Variants in GPC4 observed in about 807,000 individuals in gnomAD.
The protein encoded by GPC4 is glypican 4.
A neutral mutation model predicts 35.0 loss-of-function variants in GPC4; 10 were observed. That is an observed-to-expected ratio of 0.29 (90% confidence interval 0.18 to 0.48). The LOEUF (loss-of-function observed/expected upper bound fraction) is 0.48. GPC4 is among the 20% of genes least tolerant of loss of function. The pLI, the probability that GPC4 is intolerant of heterozygous loss-of-function variation, is 0.99. For missense variants in GPC4, 322 were observed against 451.3 expected (o/e 0.71, Z 2.60); for synonymous variants, 167 against 170.2 (o/e 0.98, Z 0.15).
intron 1 of GPC4, among the ~76,000 whole-genome samples, chrX:133,352,410 T>C (rs765017703): frequency 2.4e-4 from 27 of 111,347 alleles, no homozygotes; most frequent in Non-Finnish European, 4.7e-4. Flanking sequence ...TCTGCTGCCT[T>C]TCTTGGTCAA....
intron 1 of GPC4, among the ~76,000 whole-genome samples, chrX:133,373,165 T>G (rs2068620290): frequency 8.9e-6 from 1 of 111,752 alleles, no homozygotes; most frequent in Non-Finnish European, 1.9e-5. Flanking sequence ...TAGAAAACAA[T>G]AAATAAAAAC....
intron 1 of GPC4, among the ~76,000 whole-genome samples, chrX:133,385,863 C>A (rs762529330): frequency 6.4e-5 from 7 of 109,636 alleles, no homozygotes; most frequent in Non-Finnish European, 1.3e-4. Flanking sequence ...TAGGCTAATG[C>A]TAAAATGAAA....
chrX:133,394,766 T>C (rs774999069), intron 1 of GPC4, among the ~76,000 whole-genome samples: 54 of 111,792 alleles, frequency 4.8e-4, no homozygotes, highest in Non-Finnish European at 9.2e-4. Context: ...AGTTTGATTC[T>C]TTAGTCTAAA....
At chrX:133,312,691 AAG>A (rs1179839500) in intron 3 of GPC4, among the ~76,000 whole-genome samples, 2 of 77,177 alleles carry the variant, frequency 2.6e-5, no homozygotes, top group African/African-American at 2.0e-4. Context: ...AAGAAAAAGA[AAG>A]AAAGGAAGAA....
intron 1 of GPC4, among the ~76,000 whole-genome samples, chrX:133,392,255 C>G (rs1002658521): frequency 9.9e-6 from 1 of 101,418 alleles, no homozygotes; most frequent in African/African-American, 3.6e-5. Context: ...TAAATATTAA[C>G]GTACAATAAA....
At position 133,302,773 on chromosome X, in the gene GPC4, A is replaced by G. The variant is rs2068272006; in HGVS notation, c.*94T>C. The G allele has an allele frequency of 1.2e-6, 1 of 819,426 alleles. No homozygotes were observed. Among genetic ancestry groups the G allele is most frequent in the African/African-American group, 2.0e-5 (1 of 49,244 alleles). 67.5% of individuals were successfully genotyped at this position (819,426 alleles called of 1,213,427 possible). A position where few individuals can be genotyped will look rare whatever the true frequency, so the allele number is the denominator to read the frequency against. On this transcript the variant is annotated 3_prime_UTR_variant, in exon 9 of 9. Coordinates refer to ENST00000370828, the MANE Select transcript of GPC4 (RefSeq NM_001448.3). ...TAGTAAAAACTGTACATTGTTGTCC[A>G]TTCATTTAAAAAGCAAAGTCACTAG...
At chrX:133,339,474 T>C (rs745322873) in intron 1 of GPC4, 133 bp from the exon 2 acceptor site, 1 of 465,367 alleles carries the variant, frequency 2.1e-6, no homozygotes, top group Non-Finnish European at 3.4e-6. Flanking sequence ...TCTAACAAGT[T>C]CCAGGAAGTC....
intron 1 of GPC4, among the ~76,000 whole-genome samples, chrX:133,371,758 T>C (rs758191425): frequency 4.5e-5 from 5 of 111,564 alleles, no homozygotes; most frequent in East Asian, 2.8e-4. Flanking sequence ...ATGTTTTTCA[T>C]AGGGAGAGGC....
chrX:133,324,665 T>G lies in GPC4; in HGVS notation c.320-129A>C, dbSNP rs1422406287. The stretch of plus-strand genomic sequence containing the variant: ...AATTAAATTGGAAAACGTGTTTGTA[T>G]ATAGGGTGAATTTCTTTTGGGGAAT... On this transcript the variant is annotated intron_variant, in intron 2 of 8. Transcript: ENST00000370828. 4.8e-6 allele frequency: 3 copies of G among 625,880 alleles called. No individual in the cohort carries two copies. In the Admixed American group the frequency reaches 1.3e-4, roughly 26 times the overall value. 51.6% of individuals were successfully genotyped at this position (625,880 alleles called of 1,213,427 possible).
At chrX:133,323,982 C>A (rs765501390) in intron 3 of GPC4, among the ~76,000 whole-genome samples, 163 bp downstream of exon 3, 1 of 111,668 alleles carries the variant, frequency 9.0e-6, no homozygotes, top group African/African-American at 3.3e-5. Context: ...AAAATGTACA[C>A]GTGTAAGGAC....
chrX:133,342,875 C>T (rs930277084), intron 1 of GPC4, among the ~76,000 whole-genome samples: 3 of 111,151 alleles, frequency 2.7e-5, no homozygotes, highest in East Asian at 2.8e-4. Flanking sequence ...AAGGCTAGGG[C>T]GTGCATATTA....
In GPC4 at chrX:133,310,573, C is replaced by A. The variant is rs1248114315; in HGVS notation, c.877+685G>T. 8.0e-5 allele frequency among the ~76,000 whole-genome samples: 9 copies of A among 111,829 alleles called. No homozygotes were observed. In the East Asian group the frequency reaches 2.5e-3, roughly 31 times the overall value. ...ATATGTATCCCTTAAATTCTCAGGG[C>A]TAAAGTCCTTCCACTCTCACCAGAG... On this transcript the variant is annotated intron_variant, in intron 4 of 8. Transcript: ENST00000370828.
In GPC4 at chrX:133,304,790, G is replaced by A. The variant is rs201121385; in HGVS notation, c.1227C>T (p.Asn409=). The A allele has an allele frequency of 1.7e-5, 20 of 1,208,808 alleles. No individual in the cohort carries two copies. Among genetic ancestry groups the A allele is most frequent in the East Asian group, 1.2e-4 (4 of 33,726 alleles). The part of the protein sequence containing the change: ...FWSSLPSNVC[N]DERMAAGNGN... The stretch of plus-strand genomic sequence containing the variant: ...CGTTTCCTGCAGCCATCCTCTCATC[G>A]TTGCAAACGTTGCTCGGAAGGGAGG... The change falls in exon 7 of 9, where the codon AAC becomes AAT. Residue 409 remains asparagine (N), a synonymous_variant. Transcript: ENST00000370828.
intron 1 of GPC4, among the ~76,000 whole-genome samples, chrX:133,396,046 C>T (rs2068741358): frequency 9.0e-6 from 1 of 111,508 alleles, no homozygotes; most frequent in African/African-American, 3.3e-5. Context: ...AAGAAATCTC[C>T]AATACTTTAC....
At chrX:133,382,298 C>T (rs1005632221) in intron 1 of GPC4, among the ~76,000 whole-genome samples, 5 of 106,980 alleles carry the variant, frequency 4.7e-5, no homozygotes, top group Non-Finnish European at 7.7e-5. Flanking sequence ...TGGTGGTGGG[C>T]GCCTGTAGTC....
rs2068545080 is a variant in GPC4 at position 133,357,142 on chromosome X, G to A, written c.161-17801C>T. On this transcript the variant is annotated intron_variant, in intron 1 of 8. Coordinates refer to ENST00000370828, the MANE Select transcript of GPC4 (RefSeq NM_001448.3). ...GTCATGCCTGTAATCCCAGCACTTT[G>A]GGAGGCCGAGGCAGGTGGATTACTT... 2.7e-5 allele frequency among the ~76,000 whole-genome samples: 3 copies of A among 110,428 alleles called. No homozygotes were observed. The East Asian group carries it at 8.8e-4, about 32-fold the overall frequency.
intron 1 of GPC4, among the ~76,000 whole-genome samples, chrX:133,356,552 C>T (rs766413211): frequency 9.0e-6 from 1 of 111,311 alleles, no homozygotes; most frequent in South Asian, 3.9e-4. Context: ...GCAGTGAATT[C>T]TTACTTAGTT....
intron 3 of GPC4, among the ~76,000 whole-genome samples, chrX:133,321,056 G>A (rs2068362746): frequency 9.0e-6 from 1 of 111,544 alleles, no homozygotes; most frequent in Admixed American, 9.5e-5. Context: ...AAAAAAGAAA[G>A]GAGAAAGAAA....
At chrX:133,396,873 T>C (rs1484797795) in intron 1 of GPC4, among the ~76,000 whole-genome samples, 1 of 112,105 alleles carries the variant, frequency 8.9e-6, no homozygotes, top group African/African-American at 3.2e-5. Flanking sequence ...ATTACAATGG[T>C]TGTTCCTGAG....
Sources: allele counts gnomAD v4.1 joint callset (sites outside exome capture counted in the v4.1 genomes callset), GRCh38; gene constraint gnomAD v4.1.1; transcripts MANE v1.5; gene names NCBI Gene and HGNC (gene_info 2026-07-23, HGNC 2026-07-21).